CRYBG1: variants seen among roughly 807,000 people sequenced by gnomAD.
The protein encoded by CRYBG1 is crystallin beta-gamma domain containing 1, also known as beta/gamma crystallin domain-containing protein 1.
A neutral mutation model predicts 189.2 loss-of-function variants in CRYBG1; 139 were observed. The ratio of observed to expected loss-of-function variants is 0.73; its 90% confidence interval spans 0.64 to 0.85. The LOEUF is 0.85. Ranked by LOEUF, CRYBG1 falls within the 40% of genes least tolerant of loss-of-function variation. The pLI is 0.00. For synonymous variants in CRYBG1, 1,023 were observed against 1,017.1 expected, an observed-to-expected ratio of 1.01 and a Z score of -0.11; for missense variants, 2,611 against 2,675.8, an observed-to-expected ratio of 0.98 and a Z score of 0.53.
chr6:106,527,821 T>C (rs1773777486), intron 7 of CRYBG1, among the ~76,000 whole-genome samples: 1 of 152,222 alleles, frequency 6.6e-6, no homozygotes, highest in African/African-American at 2.4e-5. Flanking sequence ...CTGATTACTT[T>C]GAGTGGTTTA....
chr6:106,451,701 G>T lies in CRYBG1; in HGVS notation c.181G>T (p.Asp61Tyr). The T allele has an allele frequency of 6.5e-7, 1 of 1,533,198 alleles. No homozygotes were observed. The highest frequency in any genetic ancestry group is 1.2e-5 in the South Asian group (1 of 83,656). The allele number at this position is 1,533,198 out of a possible 1,614,324, so 95.0% of individuals were successfully genotyped here. Residue 61 changes from aspartate to tyrosine, a missense_variant, in exon 2 of 22, where the codon GAT becomes TAT. Physicochemically the swap from Asp to Tyr is radical, Grantham distance 160. Around this residue, in one of 3 missense-constraint regions of CRYBG1, gnomAD observed 985 missense variants for 924.4 expected, o/e 1.07. Coordinates refer to ENST00000633556, the MANE Select transcript of CRYBG1 (RefSeq NM_001371242.2). ...TGGTTCCGTTCTTTGCAGAGCTTTG[G>T]ATGTAGTCGATGGAAAATATGTGGT... ...PAPAGEARAL[D>Y]VVDGKYVVRD...
chr6:106,546,489 C>A (rs1313228924), intron 13 of CRYBG1, among the ~76,000 whole-genome samples: 1 of 152,146 alleles, frequency 6.6e-6, no homozygotes, highest in African/African-American at 2.4e-5. Flanking sequence ...AAAGTGTGTA[C>A]AATGTACTAA....
At position 106,414,573 on chromosome 6, in the gene CRYBG1, G is replaced by A. The variant is rs559277434; in HGVS notation, c.174-37121G>A. 1.1e-3 allele frequency among the ~76,000 whole-genome samples: 162 copies of A among 152,300 alleles called. 1 individual carries two copies. The highest frequency in any genetic ancestry group is 3.4e-3 in the African/African-American group (140 of 41,570). On this transcript the variant is annotated intron_variant, in intron 1 of 21. Transcript: ENST00000633556. ...AAGAGCCCACTCAGTGAGTAGACTG[G>A]GAGTGGTCATTTTTTGTCTTGGCTT...
chr6:106,543,631 T>A, intron 11 of CRYBG1, 34 bp downstream of exon 11: 1 of 1,591,736 alleles, frequency 6.3e-7, no homozygotes, highest in African/African-American at 1.4e-5. Flanking sequence ...GGATTTCTTT[T>A]TTTTCCGAAA....
At chr6:106,443,698 T>C (rs9486345) in intron 1 of CRYBG1, among the ~76,000 whole-genome samples, 3,815 of 151,496 alleles carry the variant, frequency 0.025, 123 homozygotes, top group African/African-American at 0.076. Flanking sequence ...CTTGTGCCTA[T>C]AACCACATAA....
intron 3 of CRYBG1, among the ~76,000 whole-genome samples, chr6:106,517,173 T>C (rs1773442996): frequency 1.3e-5 from 2 of 151,210 alleles, no homozygotes; most frequent in African/African-American, 2.4e-5. Context: ...TTCACCTGGC[T>C]AATTTTTTTG....
rs187184872 is a variant in CRYBG1 at position 106,410,092 on chromosome 6, C to G, written c.174-41602C>G. Among the ~76,000 whole-genome samples the G allele has an allele frequency of 3.5e-3, 533 of 152,252 alleles. 2 individuals are homozygous for G. In the Middle Eastern group the frequency reaches 0.058, roughly 17 times the overall value. On this transcript the variant is annotated intron_variant, in intron 1 of 21. Coordinates refer to ENST00000633556, the MANE Select transcript of CRYBG1 (RefSeq NM_001371242.2). ...ACCATCAGAGTGAACAGGCAACCTA[C>G]AGAATGGGAGAAAATTTTTGCCATC...
chr6:106,379,695 A>T (rs1470862521), intron 1 of CRYBG1, among the ~76,000 whole-genome samples: 1 of 152,046 alleles, frequency 6.6e-6, no homozygotes, highest in East Asian at 1.9e-4. Flanking sequence ...AGTAGCTGGG[A>T]CTACAGGTGT....
intron 1 of CRYBG1, among the ~76,000 whole-genome samples, chr6:106,378,615 G>T (rs2114313967): frequency 6.6e-6 from 1 of 152,286 alleles, no homozygotes; most frequent in Admixed American, 6.5e-5. Context: ...AGTTAGGTTT[G>T]GTTGTCTCCA....
rs145433304 is a variant in CRYBG1 at position 106,557,841 on chromosome 6, A to T, written c.5716-645A>T. 7.2e-5 allele frequency among the ~76,000 whole-genome samples: 11 copies of T among 152,366 alleles called. No individual in the cohort carries two copies. The East Asian group carries it at 2.1e-3, about 29-fold the overall frequency. On this transcript the variant is annotated intron_variant, in intron 17 of 21. Coordinates refer to ENST00000633556, the MANE Select transcript of CRYBG1 (RefSeq NM_001371242.2). ...TTGAAAAAACAGGCATAAGCTGCCA[A>T]CTTTTCATTTTCCTGAACAGTGAAC... is the stretch of plus-strand genomic sequence containing the variant.
At chr6:106,545,035 A>G in intron 13 of CRYBG1, 102 bp downstream of exon 13, 5 of 904,390 alleles carry the variant, frequency 5.5e-6, no homozygotes, top group South Asian at 3.9e-5. Context: ...ATACACAAAT[A>G]TCTCAACAGC....
At position 106,552,021 on chromosome 6, in the gene CRYBG1, T is replaced by G. The variant is rs765889882; in HGVS notation, c.5439+43T>G. The G allele has an allele frequency of 5.8e-6, 9 of 1,542,758 alleles. No homozygotes were observed. In the East Asian group the frequency reaches 1.8e-4, roughly 31 times the overall value. ...TGTATGAGAATATTTAACTGAATTC[T>G]GGATTTCCTTAATGTGTGTTCCTGG... is the stretch of plus-strand genomic sequence containing the variant. On this transcript the variant is annotated intron_variant, in intron 14 of 21. Transcript: ENST00000633556.
At chr6:106,367,391 A>G (rs931427931) in intron 1 of CRYBG1, among the ~76,000 whole-genome samples, 5 of 151,798 alleles carry the variant, frequency 3.3e-5, no homozygotes, top group Middle Eastern at 3.4e-3. Flanking sequence ...GATCCAGACC[A>G]TCCTGGTCAA....
intron 2 of CRYBG1, among the ~76,000 whole-genome samples, chr6:106,463,631 T>C (rs1440154045): frequency 1.3e-5 from 2 of 152,222 alleles, no homozygotes; most frequent in Admixed American, 1.3e-4. Context: ...GAAGTGACAG[T>C]TGGAGATGGA....
intron 2 of CRYBG1, among the ~76,000 whole-genome samples, chr6:106,463,891 G>C (rs1183952160): frequency 1.3e-5 from 2 of 152,104 alleles, no homozygotes; most frequent in Non-Finnish European, 2.9e-5. Context: ...ACTGTGTGTA[G>C]ATTCATGTCC....
chr6:106,512,813 G>T lies in CRYBG1; in HGVS notation c.1696G>T (p.Ala566Ser), dbSNP rs866011742. ...CGAGAGCGGGGAGGAGGCGGCGCGG[G>T]CCATCCCCCGCGAGCTCCCGGTCAA... is the stretch of plus-strand genomic sequence containing the variant. The part of the protein sequence containing the change: ...AAESGEEAAR[A>S]IPRELPVKSS... Residue 566 changes from alanine to serine, a missense_variant, in exon 3 of 22, where the codon GCC becomes TCC. Physicochemically the swap from Ala to Ser is moderately conservative, Grantham distance 99 (BLOSUM62 1). This residue lies in a region of CRYBG1 where 985 missense variants were observed against 924.4 expected (regional missense o/e 1.07). Transcript: ENST00000633556. 1 of 1,574,378 alleles carries T rather than the reference G, an allele frequency of 6.4e-7. No homozygotes were observed. The highest frequency in any genetic ancestry group is 2.3e-5 in the East Asian group (1 of 42,818).
At chr6:106,530,495 ATC>A (rs1773854285) in intron 8 of CRYBG1, among the ~76,000 whole-genome samples, 180 bp downstream of exon 8, 2 of 151,832 alleles carry the variant, frequency 1.3e-5, no homozygotes, top group African/African-American at 4.8e-5. Flanking sequence ...GTTATGATTC[ATC>A]TGTCTTAAAA....
chr6:106,428,716 A>G (rs1771271639), intron 1 of CRYBG1, among the ~76,000 whole-genome samples: 1 of 152,200 alleles, frequency 6.6e-6, no homozygotes, highest in Non-Finnish European at 1.5e-5. Context: ...ACCACATCAG[A>G]TTCTTATTTT....
At chr6:106,405,250 T>C (rs558509893) in intron 1 of CRYBG1, among the ~76,000 whole-genome samples, 28 of 152,318 alleles carry the variant, frequency 1.8e-4, no homozygotes, top group Middle Eastern at 6.8e-3. Flanking sequence ...CCCCTCACAG[T>C]GTAAACAAAG....
Sources: gnomAD v4.1 joint callset for allele counts (sites outside exome capture counted in the v4.1 genomes callset) on GRCh38, gnomAD v4.1.1 for gene constraint, gnomAD v4.1.1 regional missense constraint, MANE v1.5 for transcripts, NCBI Gene and HGNC (gene_info 2026-07-23, HGNC 2026-07-21) for gene names.